The following CEP152 variants were observed in gnomAD, a reference collection of about 807,000 sequenced individuals.
CEP152 encodes centrosomal protein 152, also known as centrosomal protein of 152 kDa.
Under a neutral mutation model 188.9 loss-of-function variants are expected in CEP152, and 132 were observed. The ratio of observed to expected loss-of-function variants is 0.70; its 90% CI spans 0.61 to 0.81. CEP152 has a LOEUF of 0.81. Among genes scored for constraint, CEP152 ranks in the 30% least tolerant of loss-of-function variants. CEP152 has a pLI of 0.00. For missense variants in CEP152, 1,914 were observed against 1,969.8 expected (o/e 0.97, Z 0.54); for synonymous variants, 649 against 666.6 (o/e 0.97, Z 0.41).
intron 1 of CEP152, among the ~76,000 whole-genome samples, chr15:48,809,572 C>A (rs1369984076): frequency 2.0e-5 from 3 of 152,136 alleles, no homozygotes; most frequent in Non-Finnish European, 4.4e-5. Context: ...AGAATGAGGG[C>A]ACTCATTCAG....
intron 9 of CEP152, 27 bp from the exon 10 acceptor site, chr15:48,784,147 C>A: frequency 6.2e-7 from 1 of 1,602,036 alleles, no homozygotes; most frequent in Non-Finnish European, 8.5e-7. Flanking sequence ...TTCAGGAAGT[C>A]ATTTTCATAA....
chr15:48,750,138 G>A (rs1001437336), intron 21 of CEP152, among the ~76,000 whole-genome samples: 5 of 151,858 alleles, frequency 3.3e-5, no homozygotes, highest in Non-Finnish European at 5.9e-5. Context: ...AATGTTCTTC[G>A]CAACTATTTT....
chr15:48,798,080 T>C (rs1175026229), intron 2 of CEP152, 29 bp from the exon 3 acceptor site: 10 of 1,582,318 alleles, frequency 6.3e-6, no homozygotes, highest in South Asian at 4.4e-5. Flanking sequence ...ATCAATATCA[T>C]ACCAACTTAA....
rs182542542 is a variant in CEP152 at position 48,755,468 on chromosome 15, T to G, written c.3345+435A>C. 6.3e-3 allele frequency among the ~76,000 whole-genome samples: 953 copies of G among 152,220 alleles called. 10 individuals carry two copies. The highest frequency in any genetic ancestry group is 0.022 in the African/African-American group (918 of 41,534). ...AGAATTTTGAAAAAAAAATTTTCAG[T>G]TTCTGAAATCTCAGGCCCTTAGAAA... On this transcript the variant is annotated intron_variant, in intron 20 of 26. Transcript: ENST00000380950.
chr15:48,732,850 T>C (rs1336635804), intron 2 of CEP152, among the ~76,000 whole-genome samples: 2 of 152,132 alleles, frequency 1.3e-5, no homozygotes, highest in South Asian at 2.1e-4. Flanking sequence ...TGGTGGCTCA[T>C]GCTTAAAATT....
intron 6 of CEP152, among the ~76,000 whole-genome samples, chr15:48,795,268 T>C (rs748913270): frequency 2.0e-5 from 3 of 152,118 alleles, no homozygotes; most frequent in African/African-American, 4.8e-5. Context: ...TTTATATACA[T>C]ACTATACAAA....
intron 2 of CEP152, among the ~76,000 whole-genome samples, chr15:48,800,704 G>A (rs1897616559): frequency 6.6e-6 from 1 of 152,046 alleles, no homozygotes; most frequent in African/African-American, 2.4e-5. Flanking sequence ...AATCTCAACA[G>A]GATATTACTG....
intron 12 of CEP152, among the ~76,000 whole-genome samples, 173 bp from the exon 13 acceptor site, chr15:48,772,864 T>C (rs968891297): frequency 1.3e-5 from 2 of 152,230 alleles, no homozygotes; most frequent in African/African-American, 4.8e-5. Flanking sequence ...ACCTTTGCCA[T>C]GTCTCTATAT....
At chr15:48,737,480 T>C (rs1369241225), downstream of CEP152, among the ~76,000 whole-genome samples, 2 of 152,342 alleles carry the variant, frequency 1.3e-5, no homozygotes, top group East Asian at 1.9e-4. Flanking sequence ...TTCTGCACTA[T>C]AAATGAATGT....
At chr15:48,809,202 G>A (rs571828227) in intron 1 of CEP152, among the ~76,000 whole-genome samples, 2 of 152,032 alleles carry the variant, frequency 1.3e-5, no homozygotes, top group Non-Finnish European at 2.9e-5. Flanking sequence ...GCACATGGTG[G>A]GTACATAACA....
At chr15:48,731,293 A>G (rs1892414510) in intron 2 of CEP152, among the ~76,000 whole-genome samples, 1 of 152,238 alleles carries the variant, frequency 6.6e-6, no homozygotes, top group Admixed American at 6.5e-5. Context: ...TTCTTACCAG[A>G]CAAAAAATAT....
intron 2 of CEP152, 169 bp downstream of exon 2, chr15:48,805,394 C>A (rs1373645313): frequency 3.8e-6 from 3 of 798,978 alleles, no homozygotes; most frequent in African/African-American, 1.7e-5. Context: ...AAGCATTCCA[C>A]TTATTCACCT....
intron 19 of CEP152, among the ~76,000 whole-genome samples, chr15:48,758,875 C>G (rs1894470850): frequency 6.6e-6 from 1 of 152,122 alleles, no homozygotes; most frequent in Non-Finnish European, 1.5e-5. Flanking sequence ...ACACTTTTCT[C>G]TCATTTCTAT....
chr15:48,769,816 T>A (rs1250388896), intron 13 of CEP152, among the ~76,000 whole-genome samples: 6 of 152,218 alleles, frequency 3.9e-5, no homozygotes, highest in African/African-American at 1.4e-4. Context: ...TTTTTAAGAC[T>A]CATGATAGAC....
chr15:48,733,561 G>A (rs1473721872), downstream of CEP152, among the ~76,000 whole-genome samples: 2 of 152,120 alleles, frequency 1.3e-5, no homozygotes, highest in South Asian at 2.1e-4. Context: ...TAATGTATAT[G>A]AAAGCCCCAG....
chr15:48,772,408 CT>C, intron 13 of CEP152, 78 bp downstream of exon 13: 1 of 1,220,436 alleles, frequency 8.2e-7, no homozygotes, highest in Non-Finnish European at 1.2e-6. Context: ...GACGCCCTGT[CT>C]CAAAAAAAAA....
chr15:48,774,428 T>C (rs1039995368), intron 12 of CEP152, among the ~76,000 whole-genome samples: 5 of 152,250 alleles, frequency 3.3e-5, no homozygotes, highest in African/African-American at 9.6e-5. Flanking sequence ...CAATGTCAGA[T>C]TGCTGAAACC....
At chr15:48,808,703 T>C (rs995041742) in intron 1 of CEP152, among the ~76,000 whole-genome samples, 1 of 152,192 alleles carries the variant, frequency 6.6e-6, no homozygotes, top group Non-Finnish European at 1.5e-5. Context: ...GTATGGCTCA[T>C]GAGTTGCTGG....
At chr15:48,807,474 G>A (rs1446708373) in intron 1 of CEP152, among the ~76,000 whole-genome samples, 2 of 151,424 alleles carry the variant, frequency 1.3e-5, no homozygotes, top group Non-Finnish European at 2.9e-5. Context: ...AGAAGGGCGT[G>A]AACCCGGGAA....
Sources: allele counts gnomAD v4.1 joint callset (sites outside exome capture counted in the v4.1 genomes callset), GRCh38; gene constraint gnomAD v4.1.1; transcripts MANE v1.5; gene names NCBI Gene and HGNC (gene_info 2026-07-23, HGNC 2026-07-21).